The following ZC3H14 variants were observed in gnomAD, a reference collection of about 807,000 sequenced individuals.
ZC3H14 encodes zinc finger CCCH domain-containing protein 14.
A neutral mutation model predicts 92.4 loss-of-function variants in ZC3H14; 31 were observed. That is an observed-to-expected ratio of 0.34 (90% CI 0.25 to 0.45). The LOEUF (loss-of-function observed/expected upper bound fraction) is 0.45, where lower values mean the gene tolerates loss of function less well. ZC3H14 is among the 20% of genes least tolerant of loss of function. The pLI, the probability that ZC3H14 is intolerant of heterozygous loss-of-function variation, is 1.00. For synonymous variants in ZC3H14, 321 were observed against 300.9 expected, an observed-to-expected ratio of 1.07 and a Z score of -0.69; for missense variants, 781 against 897.3, an observed-to-expected ratio of 0.87 and a Z score of 1.66.
In ZC3H14 at chr14:88,613,673, A is replaced by G. The variant is rs2087170326; in HGVS notation, c.*1922A>G. On this transcript the variant is annotated 3_prime_UTR_variant, in exon 17 of 17. Transcript: ENST00000251038. ...AAGGGACCACAAAAAAAGGAAGGAA[A>G]TGAGCATGGTTGGCGATTGGAAGCA... is the stretch of plus-strand genomic sequence containing the variant. 1 of 152,130 alleles carries G rather than the reference A, an allele frequency of 6.6e-6. No homozygotes were observed. Among genetic ancestry groups the G allele is most frequent in the Non-Finnish European group, 1.5e-5 (1 of 68,030 alleles). 9.4% of individuals were successfully genotyped at this position (152,130 alleles called of 1,614,324 possible).
rs1406050070 is a variant in ZC3H14, at chr14:88,623,523, C to T, written c.*11772C>T. The stretch of plus-strand genomic sequence containing the variant: ...GCAACCTGTGCCTCCCAGGTTCAAG[C>T]GATTCTTCTCCTTCAGCCTCCCAAG... On this transcript the variant is annotated 3_prime_UTR_variant, in exon 17 of 17. Coordinates refer to ENST00000251038, the MANE Select transcript of ZC3H14 (RefSeq NM_024824.5). 3.9e-5 allele frequency: 6 copies of T among 152,074 alleles called. No individual in the cohort carries two copies. The highest frequency in any genetic ancestry group is 1.2e-4 in the African/African-American group (5 of 41,434). The allele number at this position is 152,074 out of a possible 1,614,324, so 9.4% of individuals were successfully genotyped here. A position where few individuals can be genotyped will look rare whatever the true frequency, so the allele number is the denominator to read the frequency against.
chr14:88,571,748 T>C (rs1214179488), intron 4 of ZC3H14, among the ~76,000 whole-genome samples: 1 of 152,080 alleles, frequency 6.6e-6, no homozygotes, highest in Non-Finnish European at 1.5e-5. Flanking sequence ...GATCATGGGC[T>C]CAGGAGATGG....
chr14:88,570,368 C>A (rs1334729518), intron 3 of ZC3H14, among the ~76,000 whole-genome samples: 1 of 152,144 alleles, frequency 6.6e-6, no homozygotes, highest in Non-Finnish European at 1.5e-5. Flanking sequence ...CAAAGTACCT[C>A]ATTTATAACT....
Position 88,625,226 on chromosome 14 carries a change from G to C in ZC3H14, c.*13475G>C. The C allele has an allele frequency of 7.3e-7, 1 of 1,368,596 alleles. No homozygotes were observed. Among genetic ancestry groups the C allele is most frequent in the Non-Finnish European group, 9.9e-7 (1 of 1,007,584 alleles). The allele number at this position is 1,368,596 out of a possible 1,614,324, so 84.8% of individuals were successfully genotyped here. Reference sequence around the variant, plus strand: ...GTATGTGTAATGCTGTCTCACCCTTGATACAAAGAGCATGCATCGTGTAGT... The same window carrying C: ...GTATGTGTAATGCTGTCTCACCCTTCATACAAAGAGCATGCATCGTGTAGT... On this transcript the variant is annotated 3_prime_UTR_variant, in exon 17 of 17. Transcript: ENST00000251038.
intron 10 of ZC3H14, among the ~76,000 whole-genome samples, chr14:88,597,572 C>A (rs2084014359): frequency 6.6e-6 from 1 of 152,186 alleles, no homozygotes; most frequent in Non-Finnish European, 1.5e-5. Flanking sequence ...AGAAAGTGTG[C>A]TTTTCCTCCC....
At position 88,627,368 on chromosome 14, in the gene ZC3H14, T is replaced by C. The variant is rs1567029874; in HGVS notation, c.*15617T>C. The C allele has an allele frequency of 4.3e-6, 2 of 460,934 alleles. No homozygotes were observed. 28.6% of individuals were successfully genotyped at this position (460,934 alleles called of 1,614,324 possible). On this transcript the variant is annotated 3_prime_UTR_variant, in exon 17 of 17. Transcript: ENST00000251038. ...AGAATCTCCAAAACCAATCAAATCATTAATAATAAATACATAGTTTCTTGC... is the reference window on the plus strand; with the variant it reads ...AGAATCTCCAAAACCAATCAAATCACTAATAATAAATACATAGTTTCTTGC...
intron 13 of ZC3H14, chr14:88,608,088 G>GC (rs2085872095): frequency 3.1e-6 from 1 of 325,666 alleles, no homozygotes; most frequent in Non-Finnish European, 5.7e-6. Flanking sequence ...ATCTCACCCT[G>GC]CAAGTATCAT....
At chr14:88,581,584 CAAAG>C (rs2081916911) in intron 9 of ZC3H14, among the ~76,000 whole-genome samples, 1 of 151,894 alleles carries the variant, frequency 6.6e-6, no homozygotes, top group Admixed American at 6.6e-5. Context: ...AATAAAAAAA[CAAAG>C]AACTAGGCTT....
At chr14:88,588,622 T>C (rs1313954040) in intron 9 of ZC3H14, among the ~76,000 whole-genome samples, 1 of 152,170 alleles carries the variant, frequency 6.6e-6, no homozygotes, top group Non-Finnish European at 1.5e-5. Context: ...AGATGCTAGT[T>C]AGGTACATTA....
In ZC3H14 at chr14:88,617,703, G is replaced by A. The variant is rs1463690436; in HGVS notation, c.*5952G>A. 6.6e-6 allele frequency: 1 copy of A among 152,352 alleles called. No individual in the cohort carries two copies. The highest frequency in any genetic ancestry group is 2.4e-5 in the African/African-American group (1 of 41,460). The allele number at this position is 152,352 out of a possible 1,614,324, so 9.4% of individuals were successfully genotyped here. On this transcript the variant is annotated 3_prime_UTR_variant, in exon 17 of 17. Coordinates refer to ENST00000251038, the MANE Select transcript of ZC3H14 (RefSeq NM_024824.5). ...CTGGTATCAAAACTTCTAGGCTCAAGTGATCCTCCCACCTCGGCCTGCTAC... is the reference window on the plus strand; with the variant it reads ...CTGGTATCAAAACTTCTAGGCTCAAATGATCCTCCCACCTCGGCCTGCTAC...
At chr14:88,579,036 T>C (rs1259671240) in intron 9 of ZC3H14, among the ~76,000 whole-genome samples, 2 of 152,056 alleles carry the variant, frequency 1.3e-5, no homozygotes, top group African/African-American at 4.8e-5. Context: ...AAGGATTCTT[T>C]TTTCTTCTGT....
intron 15 of ZC3H14, among the ~76,000 whole-genome samples, chr14:88,610,271 GC>G (rs1057021079): frequency 2.0e-5 from 3 of 152,140 alleles, no homozygotes; most frequent in African/African-American, 4.8e-5. Context: ...GCCTTCACTT[GC>G]CCCCATCTGT....
intron 12 of ZC3H14, among the ~76,000 whole-genome samples, chr14:88,606,779 C>T (rs1015019356): frequency 8.3e-5 from 12 of 144,306 alleles, no homozygotes; most frequent in Middle Eastern, 3.8e-3. Context: ...AAGTAAAAGA[C>T]ATTGCTGAGT....
rs550549722 is a variant in ZC3H14 at position 88,614,768 on chromosome 14, A to G, written c.*3017A>G. 6.6e-6 allele frequency: 1 copy of G among 152,338 alleles called. No individual in the cohort carries two copies. The highest frequency in any genetic ancestry group is 1.5e-5 in the Non-Finnish European group (1 of 68,016). The allele number at this position is 152,338 out of a possible 1,614,324, so 9.4% of individuals were successfully genotyped here. A position where few individuals can be genotyped will look rare whatever the true frequency, so the allele number is the denominator to read the frequency against. The stretch of plus-strand genomic sequence containing the variant: ...GAATTCAGCCCTAATCCACTAAAAA[A>G]AGGAATTCTAACTGACAAGTTTTTA... On this transcript the variant is annotated 3_prime_UTR_variant, in exon 17 of 17. Coordinates refer to ENST00000251038, the MANE Select transcript of ZC3H14 (RefSeq NM_024824.5).
rs759610487 is a variant in ZC3H14, at chr14:88,575,859, A to C, written c.1042A>C (p.Lys348Gln). 2 of 1,613,802 alleles carry C rather than the reference A, an allele frequency of 1.2e-6. No homozygotes were observed. Among genetic ancestry groups the C allele is most frequent in the South Asian group, 2.2e-5 (2 of 91,072 alleles). Residue 348 changes from lysine (K) to glutamine (Q), a missense_variant, in exon 8 of 17, where the codon AAA (lysine) becomes CAA (glutamine). Coordinates refer to ENST00000251038, the MANE Select transcript of ZC3H14 (RefSeq NM_024824.5). Reference sequence around the variant, plus strand: ...TTTTAGACCTTCTCTTCCACCTTCTAAACAAGCTAACAAGAATCTGATTTT... The same window carrying C: ...TTTTAGACCTTCTCTTCCACCTTCTCAACAAGCTAACAAGAATCTGATTTT... ...PERRPSLPPS[K>Q]QANKNLILKA...
At chr14:88,600,325 C>G (rs889709400) in intron 10 of ZC3H14, among the ~76,000 whole-genome samples, 2 of 152,222 alleles carry the variant, frequency 1.3e-5, no homozygotes, top group African/African-American at 4.8e-5. Context: ...GAGCCTCACC[C>G]TCTGTCCCGG....
intron 2 of ZC3H14, among the ~76,000 whole-genome samples, chr14:88,567,421 CTTTT>C (rs75032234): frequency 7.8e-6 from 1 of 128,684 alleles, no homozygotes. Context: ...GGCCTTTTTT[CTTTT>C]TTTTTTTTTT....
At position 88,563,753 on chromosome 14, in the gene ZC3H14, T is replaced by C. The variant is rs912334647; in HGVS notation, c.79+60T>C. On this transcript the variant is annotated intron_variant, in intron 2 of 16. Transcript: ENST00000251038. ...TTAGAGTTTGCAGCTAATAGAATTT[T>C]AGTGAATGCGTATTTCTCACCGTAC... The C allele has an allele frequency of 1.4e-5, 21 of 1,488,064 alleles. No homozygotes were observed. In the East Asian group the frequency reaches 4.7e-4, roughly 34 times the overall value. 92.2% of individuals were successfully genotyped at this position (1,488,064 alleles called of 1,614,324 possible).
intron 1 of ZC3H14, 150 bp from the exon 2 acceptor site, chr14:88,563,500 GT>G: frequency 2.0e-6 from 3 of 1,506,782 alleles, no homozygotes; most frequent in Non-Finnish European, 2.7e-6. Flanking sequence ...GGGGTGCGGG[GT>G]GGGGGGCGGT....
Sources: gnomAD v4.1 joint callset for allele counts (sites outside exome capture counted in the v4.1 genomes callset) on GRCh38, gnomAD v4.1.1 for gene constraint, MANE v1.5 for transcripts, NCBI Gene and HGNC (gene_info 2026-07-23, HGNC 2026-07-21) for gene names.